The following TTC27 variants were observed in gnomAD, a reference collection of about 807,000 sequenced individuals.
TTC27 encodes tetratricopeptide repeat domain 27, also known as tetratricopeptide repeat protein 27.
Under a neutral mutation model 115.9 loss-of-function variants are expected in TTC27, and 79 were observed. That is an observed-to-expected ratio of 0.68 (90% CI 0.57 to 0.82). The LOEUF (loss-of-function observed/expected upper bound fraction) is 0.82. TTC27 is among the 40% of genes least tolerant of loss of function. The pLI is 0.00. For synonymous variants in TTC27, 401 were observed against 356.0 expected (o/e 1.13, Z -1.42); for missense variants, 1,054 against 993.1 (o/e 1.06, Z -0.82).
At chr2:32,662,315 A>G (rs1217101623) in intron 5 of TTC27, among the ~76,000 whole-genome samples, 6 of 151,926 alleles carry the variant, frequency 3.9e-5, no homozygotes, top group East Asian at 1.9e-4. Flanking sequence ...CTCTTTTTCT[A>G]TTGATTGGAA....
At chr2:32,767,885 C>T (rs369812826) in intron 13 of TTC27, among the ~76,000 whole-genome samples, 22 of 152,076 alleles carry the variant, frequency 1.4e-4, no homozygotes, top group South Asian at 8.3e-4. Flanking sequence ...ATTATTGTGT[C>T]CCCTAGAAAA....
At chr2:32,754,147 CTTT>C (rs200270813) in intron 12 of TTC27, among the ~76,000 whole-genome samples, 4 of 143,170 alleles carry the variant, frequency 2.8e-5, no homozygotes, top group African/African-American at 2.6e-5. Flanking sequence ...ATTCTACATT[CTTT>C]TTTTTTTTTT....
intron 13 of TTC27, among the ~76,000 whole-genome samples, chr2:32,764,591 A>G (rs772174772): frequency 3.3e-5 from 5 of 152,202 alleles, no homozygotes; most frequent in Non-Finnish European, 7.3e-5. Context: ...ATTCCTTAAA[A>G]TAAGGCAACA....
intron 9 of TTC27, among the ~76,000 whole-genome samples, chr2:32,698,587 C>G (rs1252707544): frequency 6.6e-6 from 1 of 150,782 alleles, no homozygotes; most frequent in Non-Finnish European, 1.5e-5. Flanking sequence ...TCACGCCATT[C>G]TCCTGCCTCA....
intron 10 of TTC27, among the ~76,000 whole-genome samples, chr2:32,724,127 A>G (rs1021797279): frequency 6.6e-6 from 1 of 152,096 alleles, no homozygotes; most frequent in Non-Finnish European, 1.5e-5. Flanking sequence ...CTAATGTCTT[A>G]AGACACTAAG....
At chr2:32,671,689 A>C (rs1011648134) in intron 7 of TTC27, among the ~76,000 whole-genome samples, 25 of 152,284 alleles carry the variant, frequency 1.6e-4, no homozygotes, top group Non-Finnish European at 2.9e-4. Flanking sequence ...TTTCCATATA[A>C]ATTTTAGAAT....
intron 13 of TTC27, among the ~76,000 whole-genome samples, chr2:32,769,991 G>A (rs896800809): frequency 6.6e-6 from 1 of 152,150 alleles, no homozygotes; most frequent in African/African-American, 2.4e-5. Flanking sequence ...GATGTGAATG[G>A]TCAGAAAAAG....
At chr2:32,752,579 A>G (rs946367710) in intron 12 of TTC27, among the ~76,000 whole-genome samples, 1 of 152,184 alleles carries the variant, frequency 6.6e-6, no homozygotes, top group Non-Finnish European at 1.5e-5. Flanking sequence ...CATGGTTAGA[A>G]TCTCTTTTAC....
chr2:32,684,114 C>T lies in TTC27; in HGVS notation c.1119+5192C>T, dbSNP rs780315483. Among the ~76,000 whole-genome samples the T allele has an allele frequency of 5.3e-5, 8 of 152,248 alleles. No homozygotes were observed. The South Asian group carries it at 6.2e-4, about 12-fold the overall frequency. ...CGGAAGTTGCAGTGAGTTGAGGTCA[C>T]GCCACTGCACCCCAGGCTGCACGAC... On this transcript the variant is annotated intron_variant, in intron 9 of 19. Coordinates refer to ENST00000317907, the MANE Select transcript of TTC27 (RefSeq NM_017735.5).
At chr2:32,735,699 TTTC>T (rs1668431715) in intron 11 of TTC27, among the ~76,000 whole-genome samples, 1 of 152,214 alleles carries the variant, frequency 6.6e-6, no homozygotes, top group Non-Finnish European at 1.5e-5. Flanking sequence ...TGTCATCAAC[TTTC>T]TTCATCTGTT....
chr2:32,750,081 G>A (rs1668957732), intron 12 of TTC27, among the ~76,000 whole-genome samples: 1 of 152,190 alleles, frequency 6.6e-6, no homozygotes, highest in Non-Finnish European at 1.5e-5. Flanking sequence ...AAGAATCATT[G>A]ACTAGTCCAC....
chr2:32,707,963 C>CAA (rs577901049), intron 10 of TTC27, among the ~76,000 whole-genome samples: 7 of 141,230 alleles, frequency 5.0e-5, no homozygotes, highest in South Asian at 4.5e-4. Context: ...TACTTAACAA[C>CAA]AAAAAAAAAA....
chr2:32,775,186 A>G (rs1340832264), intron 13 of TTC27, among the ~76,000 whole-genome samples: 5 of 152,126 alleles, frequency 3.3e-5, no homozygotes, highest in Non-Finnish European at 7.4e-5. Flanking sequence ...TTTTGAATTT[A>G]CATGTGTTTT....
chr2:32,715,140 C>T lies in TTC27; in HGVS notation c.1233+12220C>T, dbSNP rs528961469. 9.2e-4 allele frequency among the ~76,000 whole-genome samples: 140 copies of T among 152,278 alleles called. 1 individual carries two copies. The highest frequency in any genetic ancestry group is 1.5e-3 in the Non-Finnish European group (105 of 68,022). On this transcript the variant is annotated intron_variant, in intron 10 of 19. Coordinates refer to ENST00000317907, the MANE Select transcript of TTC27 (RefSeq NM_017735.5). ...GCTTTTGGCATCTTCATCATGGAAT[C>T]TTTGCCAGTCCCTACATTCAGAATA...
intron 16 of TTC27, among the ~76,000 whole-genome samples, chr2:32,796,195 A>G (rs561937091): frequency 1.3e-5 from 2 of 152,342 alleles, no homozygotes; most frequent in African/African-American, 4.8e-5. Context: ...TTATGAAAAC[A>G]ATTCCATTTA....
At chr2:32,684,907 T>C (rs1666576570) in intron 9 of TTC27, among the ~76,000 whole-genome samples, 1 of 143,528 alleles carries the variant, frequency 7.0e-6, no homozygotes, top group Admixed American at 7.0e-5. Context: ...ATAAACAGAA[T>C]GTCTTGACAG....
At chr2:32,722,886 C>T (rs1454754605) in intron 10 of TTC27, among the ~76,000 whole-genome samples, 1 of 152,114 alleles carries the variant, frequency 6.6e-6, no homozygotes, top group East Asian at 1.9e-4. Flanking sequence ...ATGAAATTGG[C>T]TTCTGATAAG....
intron 12 of TTC27, among the ~76,000 whole-genome samples, chr2:32,742,778 A>G (rs1265531006): frequency 6.6e-6 from 1 of 152,212 alleles, no homozygotes; most frequent in East Asian, 1.9e-4. Flanking sequence ...CCTGTCATTG[A>G]GAAACAGCCT....
At position 32,702,802 on chromosome 2, in the gene TTC27, A is replaced by G. The variant is rs777030048; in HGVS notation, c.1120-5A>G. On this transcript the variant is annotated splice_region_variant and splice_polypyrimidine_tract_variant and intron_variant, in intron 9 of 19. Transcript: ENST00000317907. ...CTATGATTTTTTTCTTCCCGCTTCT[A>G]TCAGTGTTTGCTTTCACAACCAAAG... The G allele has an allele frequency of 1.0e-5, 16 of 1,600,912 alleles. No homozygotes were observed. The highest frequency in any genetic ancestry group is 1.7e-5 in the Admixed American group (1 of 59,728).
Sources: gnomAD v4.1 joint callset for allele counts (sites outside exome capture counted in the v4.1 genomes callset) on GRCh38, gnomAD v4.1.1 for gene constraint, MANE v1.5 for transcripts, NCBI Gene and HGNC (gene_info 2026-07-23, HGNC 2026-07-21) for gene names.